Variants in NAV1 observed in about 807,000 individuals in gnomAD.
NAV1 encodes the protein neuron navigator 1.
NAV1 carries 18 observed loss-of-function variants against 175.2 expected under a neutral mutation model. The observed-to-expected ratio is 0.10, with a 90% CI of 0.07 to 0.15. NAV1 has a LOEUF of 0.15. NAV1 is among the 10% of genes least tolerant of loss of function. The pLI, the probability that NAV1 is intolerant of heterozygous loss-of-function variation, is 1.00. For missense variants in NAV1, 1,731 were observed against 2,436.6 expected (o/e 0.71, Z 6.10); for synonymous variants, 897 against 978.7 (o/e 0.92, Z 1.56).
At chr1:201,686,852 C>T (rs1417906085) in intron 1 of NAV1, among the ~76,000 whole-genome samples, 1 of 152,226 alleles carries the variant, frequency 6.6e-6, no homozygotes, top group African/African-American at 2.4e-5. Flanking sequence ...CCACTGTCCA[C>T]AGCAGGAAGG....
chr1:201,707,738 T>C (rs1330495209), intron 1 of NAV1, among the ~76,000 whole-genome samples: 1 of 152,222 alleles, frequency 6.6e-6, no homozygotes, highest in African/African-American at 2.4e-5. Flanking sequence ...TCTCTTCCTC[T>C]AGCAACGTTT....
exon 16 of NAV1, chr1:201,803,667 G>C: frequency 6.2e-7 from 1 of 1,613,616 alleles, no homozygotes; most frequent in Non-Finnish European, 8.5e-7. Context: ...TTCCAGCATC[G>C]GCAGCAGCAA....
At chr1:201,755,952 A>G (rs981428533) in intron 3 of NAV1, among the ~76,000 whole-genome samples, 11 of 151,824 alleles carry the variant, frequency 7.2e-5, no homozygotes, top group African/African-American at 2.4e-4. Context: ...TAAAAATACA[A>G]AAAAATTAGC....
At chr1:201,622,993 C>G (rs1668220821) in exon 1 of NAV1, 2 of 986,042 alleles carry the variant, frequency 2.0e-6, no homozygotes, top group Non-Finnish European at 2.4e-6. Context: ...GGGCGCTTCT[C>G]CCCAGCTGCG....
chr1:201,595,923 C>G (rs1209056633), intron 2 of NAV1, among the ~76,000 whole-genome samples: 1 of 152,222 alleles, frequency 6.6e-6, no homozygotes, highest in African/African-American at 2.4e-5. Flanking sequence ...AACTTCGCTT[C>G]GGGACTGCGT....
chr1:201,740,777 G>A lies in NAV1; in HGVS notation c.1226+22022G>A, dbSNP rs886255768. ...GTGTAAGGTGAGGGCAAGGCACAGA[G>A]GCTCCTTCATAAAGGGGAAGTGAGT... On this transcript the variant is annotated intron_variant, in intron 3 of 29. Transcript: ENST00000367296. The surrounding 1 kb of genome is among the most constrained non-coding windows in gnomAD (Gnocchi z 4.7). Among the ~76,000 whole-genome samples, 2 of 152,110 alleles carry A rather than the reference G, an allele frequency of 1.3e-5. No homozygotes were observed. The highest frequency in any genetic ancestry group is 2.9e-5 in the Non-Finnish European group (2 of 68,018).
intron 1 of NAV1, among the ~76,000 whole-genome samples, chr1:201,664,307 A>G (rs1055968112): frequency 9.9e-5 from 15 of 152,166 alleles, no homozygotes; most frequent in Non-Finnish European, 1.9e-4. Flanking sequence ...GCGTCACTGC[A>G]CTCCAGCCCA....
intron 1 of NAV1, among the ~76,000 whole-genome samples, chr1:201,653,120 A>G (rs1365355433): frequency 6.6e-6 from 1 of 152,220 alleles, no homozygotes; most frequent in African/African-American, 2.4e-5. Flanking sequence ...TCATAATGCC[A>G]AAAAAGCAGA....
chr1:201,616,667 A>C (rs1328382617), intron 2 of NAV1, among the ~76,000 whole-genome samples: 1 of 152,102 alleles, frequency 6.6e-6, no homozygotes, highest in African/African-American at 2.4e-5. Context: ...TTGTATTTTC[A>C]GTAGAGATGG....
chr1:201,644,182 C>T (rs1668899590), upstream of NAV1, among the ~76,000 whole-genome samples: 1 of 152,192 alleles, frequency 6.6e-6, no homozygotes, highest in Admixed American at 6.5e-5. Flanking sequence ...ATAACCTCTT[C>T]ATTGATCATT....
intron 1 of NAV1, among the ~76,000 whole-genome samples, chr1:201,696,689 C>T (rs1025968609): frequency 1.3e-5 from 2 of 152,132 alleles, no homozygotes; most frequent in Non-Finnish European, 2.9e-5. Flanking sequence ...TCCTGGCGTC[C>T]GCCTCTGTTG....
chr1:201,569,894 T>C (rs766080666), intron 1 of NAV1, among the ~76,000 whole-genome samples: 30 of 152,222 alleles, frequency 2.0e-4, no homozygotes, highest in Non-Finnish European at 3.1e-4. Flanking sequence ...TGTGTGATCG[T>C]TGACAAGTCA....
Position 201,711,921 on chromosome 1 carries a change from C to A in NAV1, c.758-896C>A, listed in dbSNP as rs991470358. Among the ~76,000 whole-genome samples the A allele has an allele frequency of 3.9e-5, 6 of 152,288 alleles. No individual in the cohort carries two copies. In the East Asian group the frequency reaches 1.2e-3, roughly 29 times the overall value. On this transcript the variant is annotated intron_variant, in intron 1 of 29. Transcript: ENST00000367296. ...CTCAAGCACCTCTCAGTCATTTGGA[C>A]GTTATTTTCACCCTGTTTGCTGTTG...
At chr1:201,569,093 C>T (rs1423809434) in intron 1 of NAV1, among the ~76,000 whole-genome samples, 1 of 152,188 alleles carries the variant, frequency 6.6e-6, no homozygotes, top group Non-Finnish European at 1.5e-5. Flanking sequence ...AGGCCACTCC[C>T]CCAGCCCCTA....
chr1:201,696,643 T>C (rs966258330), intron 1 of NAV1, among the ~76,000 whole-genome samples: 14 of 152,182 alleles, frequency 9.2e-5, no homozygotes, highest in African/African-American at 3.4e-4. Context: ...CTGTGAGCTG[T>C]GAGGAGCGTG....
intron 3 of NAV1, among the ~76,000 whole-genome samples, chr1:201,758,429 C>T (rs1188597270): frequency 6.6e-6 from 1 of 152,234 alleles, no homozygotes; most frequent in African/African-American, 2.4e-5. Flanking sequence ...GCCTATCCTA[C>T]ATTATTCTTT....
Position 201,813,270 on chromosome 1 carries a change from C to G in NAV1, c.5340+12C>G. ...AGGATGGGATAAAGGTGAGCCCTACCCCCTTCACTCAAACCCTAAGATCAG... is the reference window on the plus strand; with the variant it reads ...AGGATGGGATAAAGGTGAGCCCTACGCCCTTCACTCAAACCCTAAGATCAG... On this transcript the variant is annotated intron_variant, in intron 28 of 29. Coordinates refer to ENST00000367296, the Ensembl canonical transcript of NAV1. This position sits in a 1 kb window ranked among gnomAD's most constrained non-coding sequence, Gnocchi z 4.2. 6.5e-7 allele frequency: 1 copy of G among 1,537,022 alleles called. No individual in the cohort carries two copies. The highest frequency in any genetic ancestry group is 9.0e-7 in the Non-Finnish European group (1 of 1,112,556).
rs1014141971 is a variant in NAV1 at position 201,718,816 on chromosome 1, C to T, written c.1226+61C>T. ...TGGTGGAAAGACCACTGGGATGCGA[C>T]GCCTTAAAAGTGGAGTGGAACCCAA... On this transcript the variant is annotated intron_variant, in intron 3 of 29. Transcript: ENST00000367296. This position sits in a 1 kb window ranked among gnomAD's most constrained non-coding sequence, Gnocchi z 4.8. 30 of 1,545,346 alleles carry T rather than the reference C, an allele frequency of 1.9e-5. No individual in the cohort carries two copies. In the Middle Eastern group the frequency reaches 8.5e-4, roughly 44 times the overall value.
intron 1 of NAV1, among the ~76,000 whole-genome samples, chr1:201,583,125 G>A (rs919596425): frequency 6.6e-6 from 1 of 152,216 alleles, no homozygotes. Context: ...AACCATGGCG[G>A]CTCTACACCC....
Sources: gnomAD v4.1 joint callset for allele counts (sites outside exome capture counted in the v4.1 genomes callset) on GRCh38, gnomAD v4.1.1 for gene constraint, Gnocchi (gnomAD v3.1) non-coding constraint, MANE v1.5 for transcripts, NCBI Gene and HGNC (gene_info 2026-07-23, HGNC 2026-07-21) for gene names.